The following AKR1D1 variants were observed in gnomAD, a reference collection of about 807,000 sequenced individuals.
AKR1D1 encodes the protein delta(4)-3-ketosteroid 5-beta-reductase.
AKR1D1 carries 32 observed loss-of-function variants against 42.6 expected under a neutral mutation model. The observed-to-expected ratio is 0.75, with a 90% CI of 0.57 to 1.01. The LOEUF is 1.01. AKR1D1 is among the 50% of genes least tolerant of loss of function. The pLI, the probability that AKR1D1 is intolerant of heterozygous loss-of-function variation, is 0.00. For missense variants in AKR1D1, 364 were observed against 402.2 expected (o/e 0.91, Z 0.81); for synonymous variants, 123 against 135.5 (o/e 0.91, Z 0.64).
At chr7:138,089,498 G>A (rs972962475) in intron 2 of AKR1D1, among the ~76,000 whole-genome samples, 21 of 151,310 alleles carry the variant, frequency 1.4e-4, no homozygotes, top group African/African-American at 4.9e-4. Flanking sequence ...TAGGCTTCCT[G>A]GGCAGGCACA....
At position 138,107,475 on chromosome 7, in the gene AKR1D1, G is replaced by A. The variant is rs1794456430; in HGVS notation, c.750G>A (p.Arg250=). The change falls in exon 7 of 9, where the codon AGG becomes AGA. Residue 250 remains arginine (R), a synonymous_variant. Transcript: ENST00000242375. ...CACTTCTAAACTCATTGGGGAAAAG[G>A]TACAATAAGACAGCAGCTCAAATTG... ...KDALLNSLGK[R]YNKTAAQIVL... is the part of the protein sequence containing the mutation. 1.2e-6 allele frequency: 2 copies of A among 1,614,090 alleles called. No individual in the cohort carries two copies. The highest frequency in any genetic ancestry group is 2.2e-5 in the South Asian group (2 of 91,076).
At position 138,106,778 on chromosome 7, in the gene AKR1D1, T is replaced by C. The variant is rs898959146; in HGVS notation, c.689+61T>C. 3 of 1,286,442 alleles carry C rather than the reference T, an allele frequency of 2.3e-6. No individual in the cohort carries two copies. In the African/African-American group the frequency reaches 4.4e-5, roughly 19 times the overall value. The allele number at this position is 1,286,442 out of a possible 1,614,324, so 79.7% of individuals were successfully genotyped here. A position where few individuals can be genotyped will look rare whatever the true frequency, so the allele number is the denominator to read the frequency against. On this transcript the variant is annotated intron_variant, in intron 6 of 8. Transcript: ENST00000242375. ...AGAGTGTGAGGCTCATGTGAACTAC[T>C]GTATTTGATTGGAATGCCTTTTGGT...
rs760593011 is a variant in AKR1D1 at position 138,105,420 on chromosome 7, C to G, written c.570C>G (p.Val190=). 6.2e-7 allele frequency: 1 copy of G among 1,613,966 alleles called. No homozygotes were observed. Among genetic ancestry groups the G allele is most frequent in the Non-Finnish European group, 8.5e-7 (1 of 1,179,992 alleles). ...LNKPGLKHKP[V]SNQVECHPYF... The stretch of plus-strand genomic sequence containing the variant: ...AGCCAGGACTCAAACACAAGCCAGT[C>G]AGCAACCAGGTACAGCCTAATAGCT... The change falls in exon 5 of 9, where the codon GTC becomes GTG. Residue 190 remains valine, a synonymous_variant. Coordinates refer to ENST00000242375, the MANE Select transcript of AKR1D1 (RefSeq NM_005989.4).
At chr7:138,094,345 T>A (rs1401728446) in intron 3 of AKR1D1, among the ~76,000 whole-genome samples, 1 of 152,056 alleles carries the variant, frequency 6.6e-6, no homozygotes, top group African/African-American at 2.4e-5. Flanking sequence ...CAAAACCCCA[T>A]CTCTACAAAA....
At chr7:138,092,877 A>G (rs2117436965) in intron 3 of AKR1D1, among the ~76,000 whole-genome samples, 1 of 152,316 alleles carries the variant, frequency 6.6e-6, no homozygotes, top group South Asian at 2.1e-4. Context: ...GTGAAGGCCT[A>G]GGTCATTACT....
chr7:138,113,907 G>T lies in AKR1D1; in HGVS notation c.938+135G>T, dbSNP rs1585744273. The T allele has an allele frequency of 3.9e-6, 3 of 769,808 alleles. No homozygotes were observed. The South Asian group carries it at 4.4e-5, about 11-fold the overall frequency. 47.7% of individuals were successfully genotyped at this position (769,808 alleles called of 1,614,324 possible). On this transcript the variant is annotated intron_variant, in intron 8 of 8. Coordinates refer to ENST00000242375, the MANE Select transcript of AKR1D1 (RefSeq NM_005989.4). ...GCATGGTGGGCCGCATATTCTGAAT[G>T]TTAACATGCCTGAGGGAAATACATC...
intron 4 of AKR1D1, among the ~76,000 whole-genome samples, chr7:138,100,342 G>A (rs1327649196): frequency 1.3e-5 from 2 of 151,864 alleles, no homozygotes; most frequent in African/African-American, 2.4e-5. Flanking sequence ...CCAATTAAAA[G>A]GCATAGATTA....
chr7:138,110,206 T>A (rs1382020507), intron 7 of AKR1D1, among the ~76,000 whole-genome samples: 1 of 152,024 alleles, frequency 6.6e-6, no homozygotes, highest in African/African-American at 2.4e-5. Flanking sequence ...GTTAGAAATA[T>A]TTTAAAAGAA....
intron 7 of AKR1D1, among the ~76,000 whole-genome samples, chr7:138,110,420 G>A (rs1168489526): frequency 1.3e-5 from 2 of 151,988 alleles, no homozygotes; most frequent in African/African-American, 2.4e-5. Flanking sequence ...GCAACAAAGC[G>A]AGATCCCATT....
chr7:138,115,190 T>A (rs1376334534), intron 8 of AKR1D1, among the ~76,000 whole-genome samples: 1 of 152,144 alleles, frequency 6.6e-6, no homozygotes. Flanking sequence ...CATCTGTAAT[T>A]CCAGCACTCT....
intron 8 of AKR1D1, among the ~76,000 whole-genome samples, chr7:138,114,296 T>C (rs1249942466): frequency 1.3e-5 from 2 of 152,184 alleles, no homozygotes; most frequent in Admixed American, 6.5e-5. Context: ...AAATTCCATA[T>C]ACTCCTTCAA....
chr7:138,100,687 T>TA (rs1407742307), intron 4 of AKR1D1, among the ~76,000 whole-genome samples: 1 of 147,074 alleles, frequency 6.8e-6, no homozygotes, highest in East Asian at 2.0e-4. Context: ...TCCACATTTA[T>TA]AGTCAGAGAT....
chr7:138,096,245 C>T (rs893595890), intron 3 of AKR1D1, among the ~76,000 whole-genome samples: 4 of 151,778 alleles, frequency 2.6e-5, no homozygotes, highest in African/African-American at 9.7e-5. Flanking sequence ...AGAATGCTAT[C>T]ATTCAGAAAC....
chr7:138,081,506 CTTTTTTTTTTTTTT>C (rs61466734), intron 1 of AKR1D1, among the ~76,000 whole-genome samples: 19 of 47,696 alleles, frequency 4.0e-4, no homozygotes, highest in African/African-American at 1.0e-3. Context: ...GAACTCCTAC[CTTTTTTTTTTTTTT>C]TTTTTTTTTT....
intron 1 of AKR1D1, among the ~76,000 whole-genome samples, chr7:138,084,581 A>AT (rs1206417901): frequency 6.6e-6 from 1 of 151,992 alleles, no homozygotes; most frequent in African/African-American, 2.4e-5. Flanking sequence ...AGGAAACCAG[A>AT]TTTTTTGTTT....
Position 138,107,498 on chromosome 7 carries a change from T to C in AKR1D1, c.773T>C (p.Ile258Thr), listed in dbSNP as rs777588106. 6.8e-6 allele frequency: 11 copies of C among 1,614,192 alleles called. No individual in the cohort carries two copies. The East Asian group carries it at 1.8e-4, about 26-fold the overall frequency. ...AGGTACAATAAGACAGCAGCTCAAATTGTTTTGCGTTTCAACATCCAGCGA... is the reference window on the plus strand; with the variant it reads ...AGGTACAATAAGACAGCAGCTCAAACTGTTTTGCGTTTCAACATCCAGCGA... The part of the protein sequence containing the change: ...GKRYNKTAAQ[I>T]VLRFNIQRGV... Residue 258 changes from isoleucine (I) to threonine (T), a missense_variant, in exon 7 of 9, where the codon ATT becomes ACT. Transcript: ENST00000242375.
At chr7:138,080,086 G>C (rs866882708) in intron 1 of AKR1D1, among the ~76,000 whole-genome samples, 34 of 152,222 alleles carry the variant, frequency 2.2e-4, no homozygotes, top group African/African-American at 8.0e-4. Flanking sequence ...TAAATGGGTA[G>C]GAATAGTACT....
At chr7:138,081,069 C>T (rs1465411884) in intron 1 of AKR1D1, among the ~76,000 whole-genome samples, 3 of 152,176 alleles carry the variant, frequency 2.0e-5, no homozygotes, top group South Asian at 4.1e-4. Context: ...CTGGGCCCTG[C>T]TGCAAAACAT....
At chr7:138,081,871 C>A (rs1691938607) in intron 1 of AKR1D1, among the ~76,000 whole-genome samples, 1 of 152,126 alleles carries the variant, frequency 6.6e-6, no homozygotes, top group Non-Finnish European at 1.5e-5. Flanking sequence ...CATGAGACAA[C>A]AAGCCCAGCC....
Sources: allele counts gnomAD v4.1 joint callset (sites outside exome capture counted in the v4.1 genomes callset), GRCh38; gene constraint gnomAD v4.1.1; transcripts MANE v1.5; gene names NCBI Gene and HGNC (gene_info 2026-07-23, HGNC 2026-07-21).